SHB: variants seen among roughly 807,000 people sequenced by gnomAD.
SHB encodes SH2 domain containing adaptor protein B, also known as SH2 domain-containing adapter protein B.
Under a neutral mutation model 52.3 loss-of-function variants are expected in SHB, and 20 were observed. The observed-to-expected ratio is 0.38, with a 90% CI of 0.27 to 0.56. SHB has a LOEUF of 0.56. Among genes scored for constraint, SHB ranks in the 20% least tolerant of loss-of-function variants. The pLI, the probability that SHB is intolerant of heterozygous loss-of-function variation, is 0.71. For synonymous variants in SHB, 397 were observed against 316.5 expected (o/e 1.25, Z -2.70); for missense variants, 825 against 723.3 (o/e 1.14, Z -1.61).
intron 5 of SHB, 51 bp downstream of exon 5, chr9:37,948,584 C>T (rs377107022): frequency 3.3e-5 from 52 of 1,598,824 alleles, no homozygotes; most frequent in East Asian, 4.5e-5. Context: ...TGGCCGGCTG[C>T]GCTCGCAGAG....
chr9:38,020,825 G>A (rs1821273174), intron 1 of SHB, among the ~76,000 whole-genome samples: 2 of 152,292 alleles, frequency 1.3e-5, no homozygotes, highest in Admixed American at 1.3e-4. Context: ...CGGGGTGGGG[G>A]GGTGGCCCAA....
At chr9:37,965,378 G>A (rs1344229659) in intron 3 of SHB, among the ~76,000 whole-genome samples, 1 of 152,170 alleles carries the variant, frequency 6.6e-6, no homozygotes, top group Non-Finnish European at 1.5e-5. Flanking sequence ...GAGACCAGAG[G>A]TGGCAGCCAC....
In SHB at chr9:37,919,218, C is replaced by T. The variant is rs1304915651; in HGVS notation, c.*603G>A. The T allele has an allele frequency of 1.3e-5, 2 of 152,700 alleles. No homozygotes were observed. Among genetic ancestry groups the T allele is most frequent in the African/African-American group, 4.8e-5 (2 of 41,438 alleles). The allele number at this position is 152,700 out of a possible 1,614,324, so 9.5% of individuals were successfully genotyped here. On this transcript the variant is annotated 3_prime_UTR_variant, in exon 6 of 6. Transcript: ENST00000377707. Reference sequence around the variant, plus strand: ...CTGCACAATGATTCCTTGAAGATAGCCTAATGATTACACTGAGTGACTACA... The same window carrying T: ...CTGCACAATGATTCCTTGAAGATAGTCTAATGATTACACTGAGTGACTACA...
chr9:38,008,081 T>C (rs530388602), intron 2 of SHB, among the ~76,000 whole-genome samples: 1 of 152,336 alleles, frequency 6.6e-6, no homozygotes, highest in African/African-American at 2.4e-5. Flanking sequence ...CCTGTCCACC[T>C]TCCCCATGTG....
chr9:38,046,384 G>GC (rs1225230687), intron 1 of SHB, among the ~76,000 whole-genome samples: 8 of 152,322 alleles, frequency 5.3e-5, no homozygotes, highest in African/African-American at 1.4e-4. Context: ...GAAAAAGTTT[G>GC]TGACCTCTGT....
chr9:37,921,024 T>C (rs1472792415), intron 5 of SHB, among the ~76,000 whole-genome samples: 2 of 152,134 alleles, frequency 1.3e-5, no homozygotes, highest in African/African-American at 4.8e-5. Flanking sequence ...CTCCCAGCTC[T>C]CACCAGGGCT....
In SHB at chr9:38,016,036, G is replaced by A. The variant is rs1242452268; in HGVS notation, c.813C>T (p.Pro271=). 1 of 1,614,154 alleles carries A rather than the reference G, an allele frequency of 6.2e-7. No homozygotes were observed. The highest frequency in any genetic ancestry group is 8.5e-7 in the Non-Finnish European group (1 of 1,179,988). The change falls in exon 2 of 6, where the codon CCC becomes CCT. Residue 271 remains proline, a synonymous_variant. Transcript: ENST00000377707. ...GKGESAGYME[P]YEAQRIMTEF... The stretch of plus-strand genomic sequence containing the variant: ...CTGTCATGATCCTCTGTGCCTCATA[G>A]GGCTCCATGTAGCCAGCACTCTCCC...
intron 3 of SHB, among the ~76,000 whole-genome samples, chr9:37,957,955 A>G (rs1467800208): frequency 2.6e-5 from 4 of 152,144 alleles, no homozygotes; most frequent in African/African-American, 4.8e-5. Flanking sequence ...AATGATCCAG[A>G]GTGACTGGAA....
At chr9:38,004,975 G>A (rs1821061462) in intron 2 of SHB, among the ~76,000 whole-genome samples, 1 of 152,218 alleles carries the variant, frequency 6.6e-6, no homozygotes, top group Non-Finnish European at 1.5e-5. Flanking sequence ...ACCAAAACCA[G>A]CAAGTTCTGG....
Position 37,948,627 on chromosome 9 carries a change from G to A in SHB, c.1346+8C>T, listed in dbSNP as rs1423537009. On this transcript the variant is annotated splice_region_variant and intron_variant, in intron 5 of 5. Transcript: ENST00000377707. ...AGGAGGGCTGGGGGTGCTCGGGGCG[G>A]CACTCACCTCAGGGAGAGGGAGTAG... 6.2e-7 allele frequency: 1 copy of A among 1,612,976 alleles called. No individual in the cohort carries two copies.
At chr9:38,014,639 T>C (rs10814640) in intron 2 of SHB, among the ~76,000 whole-genome samples, 67,555 of 152,124 alleles carry the variant, frequency 0.44, 15,162 homozygotes, top group Middle Eastern at 0.51. Context: ...ATGAGAGGGA[T>C]GCTCCAGAAG....
At chr9:38,001,053 T>C (rs947619364) in intron 2 of SHB, among the ~76,000 whole-genome samples, 2 of 152,234 alleles carry the variant, frequency 1.3e-5, no homozygotes, top group Non-Finnish European at 2.9e-5. Flanking sequence ...CATGGCTTTT[T>C]GCTCTTCCTT....
chr9:37,986,914 C>A (rs541501547), intron 2 of SHB, among the ~76,000 whole-genome samples: 1 of 152,212 alleles, frequency 6.6e-6, no homozygotes, highest in South Asian at 2.1e-4. Context: ...GAAGGGCCAG[C>A]GCCCCACACA....
At chr9:37,951,998 G>C (rs139834119) in intron 4 of SHB, among the ~76,000 whole-genome samples, 48 of 152,300 alleles carry the variant, frequency 3.2e-4, no homozygotes, top group African/African-American at 1.1e-3. Flanking sequence ...GCTGGACCTC[G>C]TGGGGTTGGC....
intron 4 of SHB, among the ~76,000 whole-genome samples, chr9:37,951,951 G>C (rs1832571940): frequency 6.6e-6 from 1 of 152,220 alleles, no homozygotes; most frequent in South Asian, 2.1e-4. Flanking sequence ...GCTTCACCTG[G>C]AAAGAGAATC....
chr9:37,976,150 C>G (rs1820651342), intron 2 of SHB, among the ~76,000 whole-genome samples: 1 of 152,160 alleles, frequency 6.6e-6, no homozygotes, highest in South Asian at 2.1e-4. Context: ...ATTCTTGTGT[C>G]TCAGCCTCCC....
At chr9:38,049,329 A>G (rs1406545848) in intron 1 of SHB, among the ~76,000 whole-genome samples, 1 of 151,594 alleles carries the variant, frequency 6.6e-6, no homozygotes, top group East Asian at 2.0e-4. Context: ...ACAGGCTCAG[A>G]TGGGTGTGGT....
intron 2 of SHB, among the ~76,000 whole-genome samples, chr9:38,001,061 CTT>C (rs1008733214): frequency 2.6e-5 from 4 of 152,194 alleles, no homozygotes; most frequent in African/African-American, 7.2e-5. Context: ...TTTGCTCTTC[CTT>C]TTTTCTTTAT....
rs557271573 is a variant in SHB, at chr9:37,932,136, G to C, written c.1347-12132C>G. 1.5e-3 allele frequency among the ~76,000 whole-genome samples: 234 copies of C among 151,934 alleles called. 3 individuals carry two copies. The highest frequency in any genetic ancestry group is 5.3e-3 in the African/African-American group (219 of 41,428). ...GTCTCTACTAAAAATACAAAAATTA[G>C]CCAGGCATGGTGGCGGGTGCCTGTA... On this transcript the variant is annotated intron_variant, in intron 5 of 5. Transcript: ENST00000377707.
Sources: allele counts gnomAD v4.1 joint callset (sites outside exome capture counted in the v4.1 genomes callset), GRCh38; gene constraint gnomAD v4.1.1; transcripts MANE v1.5; gene names NCBI Gene and HGNC (gene_info 2026-07-23, HGNC 2026-07-21).